Variants in TTC21B observed in about 807,000 individuals in gnomAD.
TTC21B encodes tetratricopeptide repeat protein 21B.
Under a neutral mutation model 175.1 loss-of-function variants are expected in TTC21B, and 127 were observed. The ratio of observed to expected loss-of-function variants is 0.73; its 90% CI spans 0.63 to 0.84. The LOEUF is 0.84. Among genes scored for constraint, TTC21B ranks in the 40% least tolerant of loss-of-function variants. The probability of loss-of-function intolerance (pLI) is 0.00; values close to 1 mark genes in which losing one functional copy is unlikely to be tolerated. For missense variants in TTC21B, 1,561 were observed against 1,558.3 expected (o/e 1.00, Z -0.03); for synonymous variants, 524 against 524.5 (o/e 1.00, Z 0.01).
Position 165,933,050 on chromosome 2 carries a change from G to A in TTC21B, c.718C>T (p.Leu240Phe), listed in dbSNP as rs1338382358. The A allele has an allele frequency of 1.9e-6, 3 of 1,611,838 alleles. No homozygotes were observed. Among genetic ancestry groups the A allele is most frequent in the Non-Finnish European group, 2.5e-6 (3 of 1,179,024 alleles). The change falls in exon 7 of 29, where the codon CTC becomes TTC. Residue 240 changes from leucine to phenylalanine, a missense_variant. Leu to Phe is a conservative substitution (Grantham distance 22, BLOSUM62 0). Coordinates refer to ENST00000243344, the MANE Select transcript of TTC21B (RefSeq NM_024753.5). ...QTVETAQRLL[L>F]QDSQNVEALR... is the part of the protein sequence containing the mutation. ...GCTTCCACATTTTGGCTATCTTGGA[G>A]CAGCAACCTGCAGGAAAACAATTTA...
intron 18 of TTC21B, 119 bp downstream of exon 18, chr2:165,911,208 T>G: frequency 2.4e-6 from 3 of 1,250,586 alleles, no homozygotes; most frequent in Non-Finnish European, 3.4e-6. Flanking sequence ...AAAATACGCA[T>G]GTATTTATAT....
rs1684926022 is a variant in TTC21B, at chr2:165,883,993, C to A, written c.3485G>T (p.Gly1162Val). The change falls in exon 26 of 29, where the codon GGA becomes GTA. Residue 1162 changes from glycine to valine, a missense_variant. Physicochemically the swap from Gly to Val is moderately radical, Grantham distance 109. Transcript: ENST00000243344. ...CAAGATCATATAAGCCGTTGCCATTCCCAAGAGCGCTGGGATATGCTCCTT... is the reference window on the plus strand; with the variant it reads ...CAAGATCATATAAGCCGTTGCCATTACCAAGAGCGCTGGGATATGCTCCTT... ...SEKEHIPALL[G>V]MATAYMILKQ... The A allele has an allele frequency of 6.2e-7, 1 of 1,613,974 alleles. No individual in the cohort carries two copies.
rs780759718 is a variant in TTC21B, at chr2:165,919,348, C to T, written c.1602G>A (p.Gln534=). 2 of 1,614,020 alleles carry T rather than the reference C, an allele frequency of 1.2e-6. No individual in the cohort carries two copies. Among genetic ancestry groups the T allele is most frequent in the Non-Finnish European group, 1.7e-6 (2 of 1,179,974 alleles). ...TGACTTTTTCTTGAGACAAGTAAAC[C>T]TGAGCTAGCAGCAGATGAGCATCAG... is the stretch of plus-strand genomic sequence containing the variant. ...SYADAHLLLA[Q]VYLSQEKVKL... is the part of the protein sequence containing the mutation. The change falls in exon 13 of 29, where the codon CAG becomes CAA. Residue 534 remains glutamine (Q), a synonymous_variant. Coordinates refer to ENST00000243344, the MANE Select transcript of TTC21B (RefSeq NM_024753.5).
chr2:165,874,865 G>C, intron 28 of TTC21B, 33 bp from the exon 29 acceptor site: 1 of 1,591,826 alleles, frequency 6.3e-7, no homozygotes, highest in Non-Finnish European at 8.6e-7. Context: ...ATAAAAACTT[G>C]TAACTAATAA....
chr2:165,922,179 C>T (rs148199835), intron 12 of TTC21B, among the ~76,000 whole-genome samples: 1,912 of 152,078 alleles, frequency 0.013, 28 homozygotes, highest in Middle Eastern at 0.085. Flanking sequence ...ATTTAGTAGG[C>T]GATACCCCTT....
chr2:165,898,785 G>A lies in TTC21B; in HGVS notation c.2869-18C>T. On this transcript the variant is annotated intron_variant, in intron 21 of 28. Coordinates refer to ENST00000243344, the MANE Select transcript of TTC21B (RefSeq NM_024753.5). ...GCCATCATCTATAAAGATAAAAGTTGGTTCTAAAAATATTGCCATGTATTT... is the reference window on the plus strand; with the variant it reads ...GCCATCATCTATAAAGATAAAAGTTAGTTCTAAAAATATTGCCATGTATTT... 1.3e-6 allele frequency: 2 copies of A among 1,556,820 alleles called. No homozygotes were observed. Among genetic ancestry groups the A allele is most frequent in the Non-Finnish European group, 1.8e-6 (2 of 1,128,392 alleles).
intron 12 of TTC21B, among the ~76,000 whole-genome samples, chr2:165,921,148 C>G (rs113755391): frequency 1.3e-5 from 2 of 152,092 alleles, no homozygotes; most frequent in Non-Finnish European, 2.9e-5. Flanking sequence ...GGAATGGGGG[C>G]TAGCTGTGCC....
intron 24 of TTC21B, among the ~76,000 whole-genome samples, chr2:165,888,954 A>G (rs898842793): frequency 6.6e-6 from 1 of 152,188 alleles, no homozygotes; most frequent in African/African-American, 2.4e-5. Flanking sequence ...CACAGCTAGT[A>G]AGTGGTAAAC....
chr2:165,951,347 T>C (rs1687756518), intron 1 of TTC21B, among the ~76,000 whole-genome samples: 2 of 152,168 alleles, frequency 1.3e-5, no homozygotes, highest in Admixed American at 1.3e-4. Context: ...CTGTTAGTAA[T>C]GCAAATGTAC....
chr2:165,883,664 G>T, intron 26 of TTC21B, 130 bp downstream of exon 26: 4 of 738,844 alleles, frequency 5.4e-6, no homozygotes, highest in South Asian at 1.6e-5. Context: ...CCTGATTGTG[G>T]TAAGAATAAA....
chr2:165,914,596 C>CTTACATAGAGGTGGAGT (rs1221628857), intron 15 of TTC21B, among the ~76,000 whole-genome samples: 2 of 150,304 alleles, frequency 1.3e-5, no homozygotes, highest in Non-Finnish European at 3.0e-5. Flanking sequence ...TTAATTTTCT[C>CTTACATAGAGGTGGAGT]TTACATAGAG....
At chr2:165,914,285 C>T (rs1686062063) in intron 15 of TTC21B, among the ~76,000 whole-genome samples, 1 of 152,182 alleles carries the variant, frequency 6.6e-6, no homozygotes, top group Admixed American at 6.5e-5. Context: ...TGTGTCAGAT[C>T]TTCCTGAAAC....
intron 1 of TTC21B, among the ~76,000 whole-genome samples, chr2:165,951,951 A>G (rs1232655057): frequency 6.6e-6 from 1 of 152,044 alleles, no homozygotes; most frequent in Non-Finnish European, 1.5e-5. Context: ...AGGATTTCAG[A>G]GCTGACTCTT....
At position 165,945,614 on chromosome 2, in the gene TTC21B, A is replaced by C. The variant is rs1687527836; in HGVS notation, c.339T>G (p.His113Gln). 1 of 1,613,648 alleles carries C rather than the reference A, an allele frequency of 6.2e-7. No individual in the cohort carries two copies. The change falls in exon 4 of 29, where the codon CAT (histidine) becomes CAG (glutamine). Residue 113 changes from histidine to glutamine, a missense_variant. Transcript: ENST00000243344. The part of the protein sequence containing the change: ...RKGAGEKALY[H>Q]AGLFLWHIGR... ...CAATGTGCCATAAAAATAAGCCTGC[A>C]TGGTATAAGGCTTTCTCTCCAGCTC...
In TTC21B at chr2:165,917,276, T is replaced by C. The variant is rs750993973; in HGVS notation, c.1880A>G (p.His627Arg). 6.2e-7 allele frequency: 1 copy of C among 1,614,182 alleles called. No individual in the cohort carries two copies. The highest frequency in any genetic ancestry group is 8.5e-7 in the Non-Finnish European group (1 of 1,180,008). Residue 627 changes from histidine (H) to arginine (R), a missense_variant, in exon 14 of 29, where the codon CAC becomes CGC. Transcript: ENST00000243344. ...ACCTACCTGCTCTCCATTTAAGCGGTGAACGTCTATCAATTCAAGAAAGAT... is the reference window on the plus strand; with the variant it reads ...ACCTACCTGCTCTCCATTTAAGCGGCGAACGTCTATCAATTCAAGAAAGAT... ...LSIFLELIDV[H>R]RLNGEQHEAT...
intron 1 of TTC21B, among the ~76,000 whole-genome samples, chr2:165,952,790 G>A (rs1025033495): frequency 1.3e-5 from 2 of 152,120 alleles, no homozygotes; most frequent in African/African-American, 4.8e-5. Flanking sequence ...CATCTCACAG[G>A]ATACACATTT....
intron 6 of TTC21B, among the ~76,000 whole-genome samples, chr2:165,934,500 CAAAAAAAAAAAAA>C (rs369089707): frequency 2.8e-5 from 2 of 71,906 alleles, no homozygotes; most frequent in East Asian, 5.0e-4. Context: ...GACTCTGTCT[CAAAAAAAAAAAAA>C]AAAAAAAAGA....
At chr2:165,939,606 A>G (rs1419220034) in intron 6 of TTC21B, among the ~76,000 whole-genome samples, 6 of 152,160 alleles carry the variant, frequency 3.9e-5, no homozygotes, top group Non-Finnish European at 8.8e-5. Flanking sequence ...CACATAAATC[A>G]TATCTATGTG....
intron 27 of TTC21B, among the ~76,000 whole-genome samples, chr2:165,879,328 A>G (rs1466426867): frequency 6.6e-6 from 1 of 152,230 alleles, no homozygotes; most frequent in Non-Finnish European, 1.5e-5. Flanking sequence ...AGGACTTTTC[A>G]TTTTACCAGA....
Sources: gnomAD v4.1 joint callset for allele counts (sites outside exome capture counted in the v4.1 genomes callset) on GRCh38, gnomAD v4.1.1 for gene constraint, MANE v1.5 for transcripts, NCBI Gene and HGNC (gene_info 2026-07-23, HGNC 2026-07-21) for gene names.